UNC79: variants seen among roughly 807,000 people sequenced by gnomAD.
The protein encoded by UNC79 is unc-79 subunit of NALCN channel complex.
A neutral mutation model predicts 283.1 loss-of-function variants in UNC79; 37 were observed. That is an observed-to-expected ratio of 0.13 (90% CI 0.10 to 0.17). UNC79 has a LOEUF of 0.17. Ranked by LOEUF, UNC79 falls within the 10% of genes least tolerant of loss-of-function variation. The pLI is 1.00. For synonymous variants in UNC79, 1,107 were observed against 1,200.2 expected (o/e 0.92, Z 1.61); for missense variants, 2,272 against 3,211.1 (o/e 0.71, Z 7.07).
At chr14:93,477,606 T>A in exon 4 of UNC79, 1 of 1,611,492 alleles carries the variant, frequency 6.2e-7, no homozygotes, top group Non-Finnish European at 8.5e-7. Context: ...CTACCTTTTC[T>A]CAATGATGAT....
intron 11 of UNC79, among the ~76,000 whole-genome samples, chr14:93,536,313 A>C (rs1329915973): frequency 6.6e-6 from 1 of 152,096 alleles, no homozygotes; most frequent in East Asian, 1.9e-4. Context: ...AGAAATTCTG[A>C]AAGTCACAGG....
intron 1 of UNC79, among the ~76,000 whole-genome samples, chr14:93,446,986 T>C (rs1391322308): frequency 6.6e-6 from 1 of 152,232 alleles, no homozygotes; most frequent in Non-Finnish European, 1.5e-5. Context: ...CATATTGCAG[T>C]CTTTAGATTA....
rs1277341532 is a variant in UNC79, at chr14:93,375,748, C to T, written c.-351+42225C>T. On this transcript the variant is annotated intron_variant, in intron 1 of 49. Coordinates refer to the UNC79 transcript ENST00000256339. ...ACCAGATGTCATGAGAGCTCTATCA[C>T]GGGAACAGCACCAAGGGGATGGCAC... Among the ~76,000 whole-genome samples the T allele has an allele frequency of 3.3e-5, 5 of 152,044 alleles. No individual in the cohort carries two copies. The East Asian group carries it at 5.8e-4, about 18-fold the overall frequency.
intron 40 of UNC79, among the ~76,000 whole-genome samples, chr14:93,671,406 A>G (rs539215619): frequency 6.6e-6 from 1 of 152,340 alleles, no homozygotes; most frequent in East Asian, 1.9e-4. Flanking sequence ...TTATTATTTA[A>G]AAAGGATGAA....
At position 93,621,509 on chromosome 14, in the gene UNC79, G is replaced by A; in HGVS notation, c.4388-112G>A. 1 of 1,290,154 alleles carries A rather than the reference G, an allele frequency of 7.8e-7. No homozygotes were observed. The highest frequency in any genetic ancestry group is 1.0e-6 in the Non-Finnish European group (1 of 984,960). 79.9% of individuals were successfully genotyped at this position (1,290,154 alleles called of 1,614,324 possible). On this transcript the variant is annotated intron_variant, in intron 29 of 48. Coordinates refer to ENST00000555664, the Ensembl canonical transcript of UNC79. This position sits in a 1 kb window ranked among gnomAD's most constrained non-coding sequence, Gnocchi z 4.8. The stretch of plus-strand genomic sequence containing the variant: ...GGCCAGAAAGTTCGTTTTCCCTCCT[G>A]GTGGAGCTGGGATTGTGATGATGAT...
At chr14:93,404,513 T>TATATATATATATAA (rs1229909876) in intron 1 of UNC79, among the ~76,000 whole-genome samples, 38 of 113,250 alleles carry the variant, frequency 3.4e-4, no homozygotes, top group African/African-American at 9.1e-4. Flanking sequence ...TATATATATA[T>TATATATATATATAA]AAATATATAC....
At chr14:93,361,471 A>G (rs1179035083) in intron 1 of UNC79, among the ~76,000 whole-genome samples, 1 of 151,066 alleles carries the variant, frequency 6.6e-6, no homozygotes, top group Admixed American at 6.6e-5. Context: ...TGTTTGAACT[A>G]CAGCACTACA....
At chr14:93,653,910 A>G (rs1437886330) in intron 36 of UNC79, 30 bp from the exon 40 acceptor site, 2 of 1,614,102 alleles carry the variant, frequency 1.2e-6, no homozygotes, top group Non-Finnish European at 1.7e-6. Flanking sequence ...CCAGACACCC[A>G]AACACTAAAT....
chr14:93,477,640 G>A (rs749178515), exon 4 of UNC79: 9 of 1,613,058 alleles, frequency 5.6e-6, no homozygotes, highest in Admixed American at 1.7e-5. Context: ...TGCCCTACAC[G>A]ATGATATCAA....
intron 31 of UNC79, among the ~76,000 whole-genome samples, chr14:93,636,906 C>T (rs146069891): frequency 8.5e-5 from 13 of 152,260 alleles, no homozygotes; most frequent in East Asian, 1.9e-4. Flanking sequence ...ATTAGCCTTT[C>T]GTTTCCTATC....
At chr14:93,389,369 C>G (rs982546503) in intron 1 of UNC79, among the ~76,000 whole-genome samples, 21 of 152,192 alleles carry the variant, frequency 1.4e-4, no homozygotes, top group African/African-American at 5.1e-4. Context: ...CAATGAAAAC[C>G]CTGCTTTGAG....
intron 5 of UNC79, among the ~76,000 whole-genome samples, chr14:93,488,950 AT>A (rs2058591315): frequency 6.6e-6 from 1 of 152,158 alleles, no homozygotes; most frequent in Non-Finnish European, 1.5e-5. Flanking sequence ...TAATTTAAAA[AT>A]TTTTTTAAGA....
At chr14:93,600,891 T>A (rs1271662312) in intron 25 of UNC79, 121 bp downstream of exon 25, 17 of 1,017,166 alleles carry the variant, frequency 1.7e-5, no homozygotes, top group Non-Finnish European at 2.4e-5. Context: ...CCTCATGCAC[T>A]CAATTCATTA....
chr14:93,542,778 A>G, intron 14 of UNC79, 82 bp downstream of exon 14: 1 of 1,345,956 alleles, frequency 7.4e-7, no homozygotes, highest in African/African-American at 1.4e-5. Flanking sequence ...GGGTATTATC[A>G]GTGTCTGCAG....
rs1270077957 is a variant in UNC79 at position 93,549,184 on chromosome 14, T to C, written c.1755+6488T>C. Among the ~76,000 whole-genome samples the C allele has an allele frequency of 2.6e-5, 4 of 152,232 alleles. 1 individual carries two copies. The highest frequency in any genetic ancestry group is 2.6e-4 in the Admixed American group (4 of 15,282). ...ATACCTGCCATTTAATTTAACTTAGTATACCGTTAAGGTTTCAAGTTACCA... is the reference window on the plus strand; with the variant it reads ...ATACCTGCCATTTAATTTAACTTAGCATACCGTTAAGGTTTCAAGTTACCA... On this transcript the variant is annotated intron_variant, in intron 14 of 48. Coordinates refer to ENST00000555664, the Ensembl canonical transcript of UNC79.
In UNC79 at chr14:93,688,166, G is replaced by A. The variant is rs2036910998; in HGVS notation, c.6910-499G>A. 6.6e-6 allele frequency among the ~76,000 whole-genome samples: 1 copy of A among 152,186 alleles called. No individual in the cohort carries two copies. Among genetic ancestry groups the A allele is most frequent in the African/African-American group, 2.4e-5 (1 of 41,442 alleles). On this transcript the variant is annotated intron_variant, in intron 43 of 48. Transcript: ENST00000555664. The surrounding 1 kb of genome is among the most constrained non-coding windows in gnomAD (Gnocchi z 4.0). ...ATGAGCAAAAGCGGACACAGTAGCT[G>A]CTCTCATTTAATTTATAGTCTGGTA...
At chr14:93,403,736 G>C (rs1384159631) in intron 1 of UNC79, among the ~76,000 whole-genome samples, 4 of 152,040 alleles carry the variant, frequency 2.6e-5, no homozygotes, top group Admixed American at 1.3e-4. Context: ...TCAACCACAA[G>C]AAGAAGCACC....
intron 46 of UNC79, among the ~76,000 whole-genome samples, chr14:93,692,223 A>G (rs1170391596): frequency 6.6e-6 from 1 of 152,192 alleles, no homozygotes; most frequent in Non-Finnish European, 1.5e-5. Flanking sequence ...AATTGCTACG[A>G]GGAGATTTCA....
intron 1 of UNC79, among the ~76,000 whole-genome samples, chr14:93,458,319 A>G (rs890142415): frequency 2.8e-4 from 42 of 152,268 alleles, no homozygotes; most frequent in African/African-American, 9.9e-4. Context: ...AAAACAGAAC[A>G]GAACAAACAA....
Sources: allele counts gnomAD v4.1 joint callset (sites outside exome capture counted in the v4.1 genomes callset), GRCh38; gene constraint gnomAD v4.1.1; non-coding constraint Gnocchi (gnomAD v3.1); transcripts MANE v1.5; gene names NCBI Gene and HGNC (gene_info 2026-07-23, HGNC 2026-07-21).